Variants in FYB2 observed in about 807,000 individuals in gnomAD.
The protein encoded by FYB2 is FYN-binding protein 2.
FYB2 carries 103 observed loss-of-function variants against 94.1 expected under a neutral mutation model. The ratio of observed to expected loss-of-function variants is 1.09; its 90% CI spans 0.93 to 1.29. The LOEUF (loss-of-function observed/expected upper bound fraction) is 1.29. Ranked by LOEUF, FYB2 falls within the 50% of genes most tolerant of loss-of-function variation. The pLI is 0.00. For synonymous variants in FYB2, 293 were observed against 287.9 expected (o/e 1.02, Z -0.18); for missense variants, 896 against 841.5 (o/e 1.06, Z -0.80).
chr1:56,803,907 A>G (rs1646578061), intron 1 of FYB2, among the ~76,000 whole-genome samples: 3 of 152,126 alleles, frequency 2.0e-5, no homozygotes, highest in South Asian at 4.1e-4. Flanking sequence ...GGCCCCTTCA[A>G]AGCTTAACCT....
At chr1:56,799,650 T>A (rs10082340) in intron 1 of FYB2, among the ~76,000 whole-genome samples, 288 of 152,278 alleles carry the variant, frequency 1.9e-3, no homozygotes, top group Middle Eastern at 0.014. Context: ...AAACTCAGTA[T>A]TATACCCTTT....
At chr1:56,737,268 A>C in intron 14 of FYB2, 121 bp from the exon 15 acceptor site, 1 of 607,954 alleles carries the variant, frequency 1.6e-6, no homozygotes. Flanking sequence ...GTTTTAGCAA[A>C]ATCTGATCAT....
intron 1 of FYB2, among the ~76,000 whole-genome samples, chr1:56,814,206 G>A (rs1646829463): frequency 6.6e-6 from 1 of 152,248 alleles, no homozygotes; most frequent in Admixed American, 6.5e-5. Context: ...ATGTGGTGCG[G>A]GTGAGGAGGC....
chr1:56,742,161 T>A lies in FYB2; in HGVS notation c.1604A>T (p.Asp535Val), dbSNP rs1388671148. ...YKTKNNYPKI[D>V]LDGKEALKRL... ...AAAGCCAAGAAAGAGAGAAACTCAC[T>A]CTATCTTTGGGTAGTTGTTCTTTGT... The change falls in exon 12 of 20, where the codon GAT becomes GTT. Residue 535 changes from aspartate (D) to valine (V), a missense_variant and splice_region_variant. Coordinates refer to ENST00000343433, the MANE Select transcript of FYB2 (RefSeq NM_001004303.5). The A allele has an allele frequency of 6.2e-7, 1 of 1,603,732 alleles. No homozygotes were observed. The highest frequency in any genetic ancestry group is 8.5e-7 in the Non-Finnish European group (1 of 1,172,368).
chr1:56,809,374 A>C (rs79111795), intron 1 of FYB2, among the ~76,000 whole-genome samples: 4,641 of 151,800 alleles, frequency 0.031, 257 homozygotes, highest in African/African-American at 0.11. Context: ...TTTTCTCTAC[A>C]TCCAGTCTTA....
chr1:56,736,091 C>T (rs1024708940), intron 15 of FYB2, among the ~76,000 whole-genome samples: 6 of 151,914 alleles, frequency 3.9e-5, no homozygotes, highest in African/African-American at 1.5e-4. Context: ...TATTATATGT[C>T]AACTTAAAAA....
chr1:56,730,803 C>A (rs527806838), intron 15 of FYB2, among the ~76,000 whole-genome samples: 2 of 152,150 alleles, frequency 1.3e-5, no homozygotes, highest in Admixed American at 1.3e-4. Flanking sequence ...CAGCATAACC[C>A]TGATACCAAA....
In FYB2 at chr1:56,720,055, T is replaced by A; in HGVS notation, c.2132A>T (p.Tyr711Phe). The A allele has an allele frequency of 6.2e-7, 1 of 1,601,458 alleles. No homozygotes were observed. The highest frequency in any genetic ancestry group is 8.5e-7 in the Non-Finnish European group (1 of 1,175,560). ...TAGATGTTCAATGAGCACATATCCA[T>A]CTAATAGAAACAAAAGTCACCGTTA... The part of the protein sequence containing the change: ...LVICRNSKGK[Y>F]GYVLIEHLDF... The change falls in exon 19 of 20, where the codon TAT becomes TTT. Residue 711 changes from tyrosine (Y) to phenylalanine (F), a missense_variant and splice_region_variant. Tyr to Phe is a conservative substitution (Grantham distance 22, BLOSUM62 3). Transcript: ENST00000343433.
chr1:56,757,687 C>CTTCCTTCTTTTTTTCTCTCTTTCT (rs1293394860), intron 6 of FYB2, among the ~76,000 whole-genome samples: 1 of 71,940 alleles, frequency 1.4e-5, no homozygotes, highest in Non-Finnish European at 2.6e-5. Context: ...TCCTTCCTTC[C>CTTCCTTCTTTTTTTCTCTCTTTCT]TTCTTTCTTT....
chr1:56,822,119 G>A (rs745569711), upstream of FYB2, among the ~76,000 whole-genome samples: 2 of 152,166 alleles, frequency 1.3e-5, no homozygotes, highest in Admixed American at 1.3e-4. Flanking sequence ...TGCCTGCTGG[G>A]ATCAGTGCCC....
chr1:56,735,076 C>T (rs1644801698), intron 15 of FYB2, among the ~76,000 whole-genome samples: 1 of 152,030 alleles, frequency 6.6e-6, no homozygotes, highest in South Asian at 2.1e-4. Flanking sequence ...ACAAATAGAA[C>T]TATCATATGA....
chr1:56,802,977 A>G (rs1646555774), intron 1 of FYB2, among the ~76,000 whole-genome samples: 2 of 152,062 alleles, frequency 1.3e-5, no homozygotes, highest in Non-Finnish European at 2.9e-5. Flanking sequence ...TCTTCCATCC[A>G]TTTCTTTCCC....
At chr1:56,730,044 C>A (rs912575165) in intron 15 of FYB2, among the ~76,000 whole-genome samples, 3 of 151,578 alleles carry the variant, frequency 2.0e-5, no homozygotes, top group Non-Finnish European at 4.4e-5. Flanking sequence ...TATTAAGAGG[C>A]AAGTTTATAG....
intron 8 of FYB2, among the ~76,000 whole-genome samples, chr1:56,753,144 G>A (rs1409899382): frequency 6.6e-6 from 1 of 152,032 alleles, no homozygotes; most frequent in Non-Finnish European, 1.5e-5. Context: ...TGGGACAACT[G>A]CATCTTAAAA....
rs1259480006 is a variant in FYB2, at chr1:56,792,257, G to A, written c.556C>T (p.Leu186=). The change falls in exon 2 of 20, where the codon CTG becomes TTG. Residue 186 remains leucine, a synonymous_variant. Coordinates refer to ENST00000343433, the MANE Select transcript of FYB2 (RefSeq NM_001004303.5). ...GLTPEEPRKK[L]ETKGAQTLPS... is the part of the protein sequence containing the mutation. Reference sequence around the variant, plus strand: ...AGAGTCTGGGCTCCTTTTGTTTCCAGCTTTTTCCTGGGTTCCTCTGGAGTA... The same window carrying A: ...AGAGTCTGGGCTCCTTTTGTTTCCAACTTTTTCCTGGGTTCCTCTGGAGTA... The A allele has an allele frequency of 2.5e-6, 4 of 1,612,244 alleles. No homozygotes were observed. The East Asian group carries it at 8.9e-5, about 36-fold the overall frequency.
chr1:56,792,020 C>T (rs201206608), intron 2 of FYB2, 36 bp downstream of exon 2: 272 of 1,531,556 alleles, frequency 1.8e-4, no homozygotes, highest in Non-Finnish European at 2.3e-4. Context: ...GATGACACCT[C>T]CCTAGCCCCT....
In FYB2 at chr1:56,767,884, A is replaced by G. The variant is rs1645662285; in HGVS notation, c.1008T>C (p.Tyr336=). 6.2e-7 allele frequency: 1 copy of G among 1,612,360 alleles called. No homozygotes were observed. Among genetic ancestry groups the G allele is most frequent in the Non-Finnish European group, 8.5e-7 (1 of 1,179,500 alleles). The part of the protein sequence containing the change: ...EPHNYEATIS[Y]LRHSGNSINL... ...TAATGGAGTTGCCAGAGTGTCTCAG[A>G]TATGAAATTGTTGCCTCGTAATTAT... The change falls in exon 5 of 20, where the codon TAT becomes TAC. Residue 336 remains tyrosine (Y), a synonymous_variant. Coordinates refer to ENST00000343433, the MANE Select transcript of FYB2 (RefSeq NM_001004303.5).
chr1:56,810,866 T>G (rs1297996120), intron 1 of FYB2, among the ~76,000 whole-genome samples: 1 of 152,222 alleles, frequency 6.6e-6, no homozygotes, highest in Non-Finnish European at 1.5e-5. Flanking sequence ...AAGGGAGTTG[T>G]ATTTGGAATA....
intron 15 of FYB2, among the ~76,000 whole-genome samples, chr1:56,727,462 G>C (rs1016602468): frequency 6.6e-6 from 1 of 151,822 alleles, no homozygotes; most frequent in African/African-American, 2.4e-5. Context: ...CAATCGAATG[G>C]ATAAATGAAT....
Sources: gnomAD v4.1 joint callset for allele counts (sites outside exome capture counted in the v4.1 genomes callset) on GRCh38, gnomAD v4.1.1 for gene constraint, MANE v1.5 for transcripts, NCBI Gene and HGNC (gene_info 2026-07-23, HGNC 2026-07-21) for gene names.